Variants in PDIA5 observed in about 807,000 individuals in gnomAD.
PDIA5 encodes the protein protein disulfide-isomerase A5.
In PDIA5, 58 loss-of-function variants were observed where a neutral mutation model predicts 77.6. The observed-to-expected ratio is 0.75, with a 90% confidence interval of 0.61 to 0.93. The LOEUF (loss-of-function observed/expected upper bound fraction) is 0.93. PDIA5 is among the 40% of genes least tolerant of loss of function. PDIA5 has a pLI of 0.00. For synonymous variants in PDIA5, 250 were observed against 252.1 expected, an observed-to-expected ratio of 0.99 and a Z score of 0.08; for missense variants, 630 against 647.7, an observed-to-expected ratio of 0.97 and a Z score of 0.30.
intron 11 of PDIA5, 105 bp from the exon 12 acceptor site, chr3:123,145,417 C>G (rs959089935): frequency 2.0e-5 from 15 of 741,658 alleles, no homozygotes; most frequent in Non-Finnish European, 3.3e-5. Flanking sequence ...CTGCTTTTCT[C>G]AGGTGTCTGG....
intron 11 of PDIA5, among the ~76,000 whole-genome samples, chr3:123,131,192 C>A (rs1214808478): frequency 6.6e-6 from 1 of 152,086 alleles, no homozygotes; most frequent in Non-Finnish European, 1.5e-5. Context: ...ATTGCTTGAG[C>A]CTGGGAGGTT....
chr3:123,140,320 C>G (rs1175779816), intron 11 of PDIA5, among the ~76,000 whole-genome samples: 1 of 152,110 alleles, frequency 6.6e-6, no homozygotes, highest in Non-Finnish European at 1.5e-5. Flanking sequence ...TTGAATCTAC[C>G]TGTGATAGGA....
Position 123,135,043 on chromosome 3 carries a change from C to T in PDIA5, c.910+4427C>T, listed in dbSNP as rs921629897. ...CCCGGTTTTCCCACCCTGCAGGCGA[C>T]GGAGATGCTCTCTGCAAATGGTGTG... On this transcript the variant is annotated intron_variant, in intron 11 of 16. Transcript: ENST00000316218. Among the ~76,000 whole-genome samples, 9 of 152,352 alleles carry T rather than the reference C, an allele frequency of 5.9e-5. No homozygotes were observed. In the East Asian group the frequency reaches 9.7e-4, roughly 16 times the overall value.
At chr3:123,083,667 C>T (rs926391923) in intron 1 of PDIA5, among the ~76,000 whole-genome samples, 10 of 152,198 alleles carry the variant, frequency 6.6e-5, no homozygotes, top group African/African-American at 2.4e-4. Context: ...CCCTCTCCCC[C>T]AAGGGCTTGA....
chr3:123,074,359 A>T (rs2107904203), intron 1 of PDIA5, among the ~76,000 whole-genome samples: 1 of 152,322 alleles, frequency 6.6e-6, no homozygotes, highest in South Asian at 2.1e-4. Flanking sequence ...TATAACAGGG[A>T]TCCCTAACCT....
Position 123,146,086 on chromosome 3 carries a change from T to C in PDIA5, c.982-13T>C, listed in dbSNP as rs1560555206. 6.2e-7 allele frequency: 1 copy of C among 1,613,610 alleles called. No homozygotes were observed. Among genetic ancestry groups the C allele is most frequent in the Non-Finnish European group, 8.5e-7 (1 of 1,179,734 alleles). ...GAGGCTGTAATGCATGGTTGGCCTTTCCCCCATCCCAGAGCTCTGGTGTCC... is the reference window on the plus strand; with the variant it reads ...GAGGCTGTAATGCATGGTTGGCCTTCCCCCCATCCCAGAGCTCTGGTGTCC... On this transcript the variant is annotated splice_polypyrimidine_tract_variant and intron_variant, in intron 12 of 16. Transcript: ENST00000316218.
chr3:123,088,503 A>G (rs1934201606), intron 1 of PDIA5, among the ~76,000 whole-genome samples: 1 of 152,200 alleles, frequency 6.6e-6, no homozygotes, highest in African/African-American at 2.4e-5. Context: ...TGGAGTTTTT[A>G]CTTTGCCCCA....
chr3:123,139,650 A>G (rs1173728145), intron 11 of PDIA5, among the ~76,000 whole-genome samples: 1 of 152,182 alleles, frequency 6.6e-6, no homozygotes, highest in African/African-American at 2.4e-5. Context: ...GGGGATGTGC[A>G]TAGTAACTGG....
intron 3 of PDIA5, among the ~76,000 whole-genome samples, chr3:123,093,730 G>A (rs1002483452): frequency 6.6e-6 from 1 of 152,236 alleles, no homozygotes; most frequent in African/African-American, 2.4e-5. Flanking sequence ...AATGTCAGGT[G>A]AACAGTGCCA....
chr3:123,124,748 G>C (rs1220338151), intron 10 of PDIA5, among the ~76,000 whole-genome samples: 5 of 152,196 alleles, frequency 3.3e-5, no homozygotes, highest in African/African-American at 1.2e-4. Context: ...GATGGATAGA[G>C]GTATTTCTCA....
At chr3:123,151,678 G>A (rs1935895656) in intron 14 of PDIA5, among the ~76,000 whole-genome samples, 2 of 152,124 alleles carry the variant, frequency 1.3e-5, no homozygotes, top group Admixed American at 6.5e-5. Context: ...AATCCCCAGG[G>A]AATCTGGGAG....
intron 1 of PDIA5, among the ~76,000 whole-genome samples, chr3:123,077,386 C>A (rs1933882548): frequency 6.6e-6 from 1 of 152,154 alleles, no homozygotes; most frequent in Non-Finnish European, 1.5e-5. Context: ...ATGGGCTAAT[C>A]CCTAAGCCCT....
intron 6 of PDIA5, among the ~76,000 whole-genome samples, 176 bp from the exon 7 acceptor site, chr3:123,110,768 G>T (rs1383542224): frequency 6.6e-6 from 1 of 152,106 alleles, no homozygotes; most frequent in Non-Finnish European, 1.5e-5. Context: ...CTGGCCTGCC[G>T]CGGCTCTGCC....
rs923374703 is a variant in PDIA5 at position 123,067,284 on chromosome 3, C to G, written c.42+78C>G. 141 of 1,155,152 alleles carry G rather than the reference C, an allele frequency of 1.2e-4. No individual in the cohort carries two copies. In the African/African-American group the frequency reaches 2.1e-3, roughly 18 times the overall value. The allele number at this position is 1,155,152 out of a possible 1,614,324, so 71.6% of individuals were successfully genotyped here. ...CCCTTCTGCGCTCTCTGCTCCAGCCCTCTGCGGAACGTGCGGGGAGCTGCC... is the reference window on the plus strand; with the variant it reads ...CCCTTCTGCGCTCTCTGCTCCAGCCGTCTGCGGAACGTGCGGGGAGCTGCC... On this transcript the variant is annotated intron_variant, in intron 1 of 16. Coordinates refer to ENST00000316218, the MANE Select transcript of PDIA5 (RefSeq NM_006810.4).
chr3:123,082,875 TA>T (rs1401768135), intron 1 of PDIA5, among the ~76,000 whole-genome samples: 1 of 152,106 alleles, frequency 6.6e-6, no homozygotes, highest in Non-Finnish European at 1.5e-5. Flanking sequence ...GTCATCCTGC[TA>T]TAAATGGTGG....
At chr3:123,117,399 T>TATATATATA (rs60353329) in intron 8 of PDIA5, among the ~76,000 whole-genome samples, 17 of 135,396 alleles carry the variant, frequency 1.3e-4, no homozygotes, top group African/African-American at 2.2e-4. Flanking sequence ...TATATATATA[T>TATATATATA]TCTGTTTTAG....
chr3:123,123,859 GC>G (rs1258305624), intron 8 of PDIA5, among the ~76,000 whole-genome samples: 1 of 152,216 alleles, frequency 6.6e-6, no homozygotes, highest in African/African-American at 2.4e-5. Context: ...GCAGCACTCG[GC>G]CCAGCTGCCT....
At chr3:123,149,255 C>G (rs1935831230) in intron 13 of PDIA5, among the ~76,000 whole-genome samples, 1 of 152,190 alleles carries the variant, frequency 6.6e-6, no homozygotes, top group South Asian at 2.1e-4. Context: ...AAATAAGGAG[C>G]TTGGATGAGA....
intron 14 of PDIA5, among the ~76,000 whole-genome samples, chr3:123,152,809 C>T (rs1425866046): frequency 6.6e-6 from 1 of 152,168 alleles, no homozygotes; most frequent in African/African-American, 2.4e-5. Flanking sequence ...TTTCATTGTT[C>T]CTTTTACGCT....
Sources: allele counts gnomAD v4.1 joint callset (sites outside exome capture counted in the v4.1 genomes callset), GRCh38; gene constraint gnomAD v4.1.1; transcripts MANE v1.5; gene names NCBI Gene and HGNC (gene_info 2026-07-23, HGNC 2026-07-21).